The following LRRTM3 variants were observed in gnomAD, a reference collection of about 807,000 sequenced individuals.
LRRTM3 encodes the protein leucine rich repeat transmembrane neuronal 3.
A neutral mutation model predicts 44.7 loss-of-function variants in LRRTM3; 24 were observed. That is an observed-to-expected ratio of 0.54 (90% CI 0.39 to 0.76). LRRTM3 has a LOEUF of 0.76. Ranked by LOEUF, LRRTM3 falls within the 30% of genes least tolerant of loss-of-function variation. The probability of loss-of-function intolerance (pLI) is 0.00; values close to 1 mark genes in which losing one functional copy is unlikely to be tolerated. For synonymous variants in LRRTM3, 277 were observed against 278.7 expected (o/e 0.99, Z 0.06); for missense variants, 587 against 702.2 (o/e 0.84, Z 1.85).
intron 2 of LRRTM3, among the ~76,000 whole-genome samples, chr10:66,979,206 G>A (rs964525992): frequency 1.3e-5 from 2 of 151,848 alleles, no homozygotes; most frequent in African/African-American, 4.8e-5. Flanking sequence ...GACCTCTAGC[G>A]ATCTGCCTGC....
At position 66,927,984 on chromosome 10, in the gene LRRTM3, G is replaced by A; in HGVS notation, c.1068G>A (p.Lys356=). 1 of 1,614,202 alleles carries A rather than the reference G, an allele frequency of 6.2e-7. No homozygotes were observed. Among genetic ancestry groups the A allele is most frequent in the East Asian group, 2.2e-5 (1 of 44,874 alleles). The part of the protein sequence containing the change: ...LQGVNVIDAV[K]NYSICGKSTT... ...GAGTAAATGTGATCGATGCAGTGAA[G>A]AACTACAGCATCTGTGGCAAAAGTA... The change falls in exon 2 of 3, where the codon AAG becomes AAA. Residue 356 remains lysine (K), a synonymous_variant. Coordinates refer to ENST00000361320, the MANE Select transcript of LRRTM3 (RefSeq NM_178011.5). The surrounding 1 kb of genome is among the most constrained non-coding windows in gnomAD (Gnocchi z 4.7).
chr10:66,953,529 G>A (rs968239206), intron 2 of LRRTM3, among the ~76,000 whole-genome samples: 4 of 152,022 alleles, frequency 2.6e-5, no homozygotes, highest in Non-Finnish European at 5.9e-5. Flanking sequence ...AAGACTCTTT[G>A]CTTGAAACAG....
At chr10:66,955,092 A>T (rs1925567) in intron 2 of LRRTM3, among the ~76,000 whole-genome samples, 147,010 of 152,228 alleles carry the variant, frequency 0.97, 71,198 homozygotes, top group East Asian at 1. Context: ...AACAAAATAG[A>T]AGGAAGACTT....
chr10:66,931,899 A>G (rs1847419388), intron 2 of LRRTM3, among the ~76,000 whole-genome samples: 1 of 152,190 alleles, frequency 6.6e-6, no homozygotes, highest in Admixed American at 6.5e-5. Flanking sequence ...TTTTTATTAA[A>G]GGGGTTAATA....
chr10:67,000,384 A>G (rs992146873), intron 2 of LRRTM3, among the ~76,000 whole-genome samples: 2 of 152,200 alleles, frequency 1.3e-5, no homozygotes, highest in Admixed American at 6.5e-5. Context: ...GAATTGGCAC[A>G]AGAAGGTTAA....
chr10:66,959,794 TCA>T, intron 2 of LRRTM3, among the ~76,000 whole-genome samples: 1 of 152,274 alleles, frequency 6.6e-6, no homozygotes, highest in East Asian at 1.9e-4. Context: ...GACCAGAAAC[TCA>T]GGAGTAAGAA....
At chr10:66,967,748 C>A (rs1394906546) in intron 2 of LRRTM3, among the ~76,000 whole-genome samples, 1 of 151,870 alleles carries the variant, frequency 6.6e-6, no homozygotes, top group Non-Finnish European at 1.5e-5. Context: ...ATAAGAGTGC[C>A]AGTGAGAAAA....
chr10:66,969,842 A>C (rs1300069947), intron 2 of LRRTM3, among the ~76,000 whole-genome samples: 1 of 151,950 alleles, frequency 6.6e-6, no homozygotes, highest in Non-Finnish European at 1.5e-5. Context: ...GACCCTAGAG[A>C]CCCTCTATAT....
intron 2 of LRRTM3, among the ~76,000 whole-genome samples, chr10:67,051,187 A>T (rs12357338): frequency 0.44 from 67,176 of 152,014 alleles, 15,242 homozygotes; most frequent in Middle Eastern, 0.61. Context: ...ACCTGGGTGA[A>T]TTATTATTCC....
At chr10:67,070,631 C>A (rs1275775698) in intron 2 of LRRTM3, among the ~76,000 whole-genome samples, 2 of 151,786 alleles carry the variant, frequency 1.3e-5, no homozygotes, top group African/African-American at 2.4e-5. Context: ...CCTGTCTTCC[C>A]AGCTGCTTGG....
At chr10:66,933,678 C>G (rs999238611) in intron 2 of LRRTM3, among the ~76,000 whole-genome samples, 1 of 152,142 alleles carries the variant, frequency 6.6e-6, no homozygotes. Flanking sequence ...ATAGAAATTA[C>G]TATTGACTTT....
At chr10:67,048,939 CT>C (rs1229162252) in intron 2 of LRRTM3, among the ~76,000 whole-genome samples, 1 of 148,814 alleles carries the variant, frequency 6.7e-6, no homozygotes, top group Non-Finnish European at 1.5e-5. Context: ...TAATTTTATA[CT>C]TAGTTATTCC....
chr10:66,999,340 T>C (rs1851548790), intron 2 of LRRTM3, among the ~76,000 whole-genome samples: 1 of 152,128 alleles, frequency 6.6e-6, no homozygotes, highest in Non-Finnish European at 1.5e-5. Flanking sequence ...TCATGGGCCT[T>C]CTGCCTAACA....
chr10:67,025,939 T>A (rs1418455756), intron 2 of LRRTM3, among the ~76,000 whole-genome samples: 1 of 148,850 alleles, frequency 6.7e-6, no homozygotes, highest in Admixed American at 6.6e-5. Flanking sequence ...TAAAAAATGA[T>A]GAGTTCATGT....
chr10:67,031,315 G>T (rs80346254), intron 2 of LRRTM3, among the ~76,000 whole-genome samples: 3,562 of 152,180 alleles, frequency 0.023, 138 homozygotes, highest in African/African-American at 0.08. Flanking sequence ...ACAGAGAAGG[G>T]AAAAAATGCA....
At chr10:66,979,281 A>C (rs1248880924) in intron 2 of LRRTM3, among the ~76,000 whole-genome samples, 1 of 151,982 alleles carries the variant, frequency 6.6e-6, no homozygotes, top group East Asian at 1.9e-4. Context: ...ACTATTTCTT[A>C]AGTAGGACTT....
At chr10:67,051,511 G>A (rs1416971547) in intron 2 of LRRTM3, among the ~76,000 whole-genome samples, 1 of 148,508 alleles carries the variant, frequency 6.7e-6, no homozygotes, top group Non-Finnish European at 1.5e-5. Flanking sequence ...CGAGGCTGGA[G>A]TGCAGTGGTG....
At chr10:66,988,666 T>C (rs944077463) in intron 2 of LRRTM3, among the ~76,000 whole-genome samples, 5 of 152,162 alleles carry the variant, frequency 3.3e-5, no homozygotes, top group Admixed American at 2.6e-4. Flanking sequence ...CAACAGTTCA[T>C]GTTTAAAACC....
At chr10:66,975,687 T>G (rs943693278) in intron 2 of LRRTM3, among the ~76,000 whole-genome samples, 1 of 152,136 alleles carries the variant, frequency 6.6e-6, no homozygotes, top group African/African-American at 2.4e-5. Context: ...CACAAGTTTA[T>G]CTGGTTCTCC....
Sources: gnomAD v4.1 joint callset for allele counts (sites outside exome capture counted in the v4.1 genomes callset) on GRCh38, gnomAD v4.1.1 for gene constraint, Gnocchi (gnomAD v3.1) non-coding constraint, MANE v1.5 for transcripts, NCBI Gene and HGNC (gene_info 2026-07-23, HGNC 2026-07-21) for gene names.